Variants in CAMSAP2 observed in about 807,000 individuals in gnomAD.
CAMSAP2 encodes the protein calmodulin-regulated spectrin-associated protein 2.
Under a neutral mutation model 146.1 loss-of-function variants are expected in CAMSAP2, and 26 were observed. That is an observed-to-expected ratio of 0.18 (90% CI 0.13 to 0.25). The LOEUF (loss-of-function observed/expected upper bound fraction) is 0.25, where lower values mean the gene tolerates loss of function less well. CAMSAP2 is among the 10% of genes least tolerant of loss of function. The pLI is 1.00. For missense variants in CAMSAP2, 1,381 were observed against 1,759.3 expected, an observed-to-expected ratio of 0.78 and a Z score of 3.85; for synonymous variants, 499 against 596.6, an observed-to-expected ratio of 0.84 and a Z score of 2.38.
At chr1:200,782,878 C>A (rs1665479536) in intron 2 of CAMSAP2, among the ~76,000 whole-genome samples, 1 of 148,996 alleles carries the variant, frequency 6.7e-6, no homozygotes, top group South Asian at 2.1e-4. Context: ...GCTCAACCTC[C>A]TGGGCTCAGG....
At position 200,807,556 on chromosome 1, in the gene CAMSAP2, G is replaced by A. The variant is rs1406487253; in HGVS notation, c.561+19G>A. On this transcript the variant is annotated intron_variant, in intron 3 of 16. Transcript: ENST00000358823. ...AAATAAGGTAGGATTATACTCACTT[G>A]AGTAAATCGCATCTCATAGCCAGAA... 2 of 1,492,906 alleles carry A rather than the reference G, an allele frequency of 1.3e-6. No homozygotes were observed. The allele number at this position is 1,492,906 out of a possible 1,614,324, so 92.5% of individuals were successfully genotyped here.
chr1:200,791,268 A>C (rs1665744458), intron 2 of CAMSAP2, among the ~76,000 whole-genome samples: 1 of 152,008 alleles, frequency 6.6e-6, no homozygotes, highest in African/African-American at 2.4e-5. Context: ...GTAATGTGTA[A>C]TTTGATTTTC....
intron 2 of CAMSAP2, among the ~76,000 whole-genome samples, chr1:200,804,807 G>A (rs951130569): frequency 6.6e-6 from 1 of 151,940 alleles, no homozygotes; most frequent in Admixed American, 6.6e-5. Flanking sequence ...ATGAAAATGC[G>A]GTTTTAATTT....
chr1:200,756,578 A>T (rs980999526), intron 1 of CAMSAP2, among the ~76,000 whole-genome samples: 6 of 152,202 alleles, frequency 3.9e-5, no homozygotes, highest in Non-Finnish European at 5.9e-5. Flanking sequence ...GAATGGATGC[A>T]GGTAGTGAAT....
intron 2 of CAMSAP2, among the ~76,000 whole-genome samples, chr1:200,771,221 G>GAT (rs1258352940): frequency 3.3e-5 from 5 of 151,694 alleles, no homozygotes; most frequent in African/African-American, 1.2e-4. Context: ...TCATATAAGA[G>GAT]ATATATCTTG....
At chr1:200,812,742 A>T (rs1281377331) in intron 3 of CAMSAP2, among the ~76,000 whole-genome samples, 1 of 152,228 alleles carries the variant, frequency 6.6e-6, no homozygotes, top group African/African-American at 2.4e-5. Flanking sequence ...ATCACAGAAG[A>T]CAAGATTATA....
intron 9 of CAMSAP2, 117 bp from the exon 10 acceptor site, chr1:200,847,523 G>T: frequency 1.2e-6 from 1 of 838,238 alleles, no homozygotes; most frequent in Non-Finnish European, 2.0e-6. Flanking sequence ...TTCTCCTTAT[G>T]TACCTATTTA....
At chr1:200,751,707 T>A (rs1282793548) in intron 1 of CAMSAP2, among the ~76,000 whole-genome samples, 1 of 151,802 alleles carries the variant, frequency 6.6e-6, no homozygotes, top group African/African-American at 2.4e-5. Flanking sequence ...TGGCTAATAG[T>A]AAGGATGAAA....
At chr1:200,810,144 G>A (rs1478635861) in intron 3 of CAMSAP2, among the ~76,000 whole-genome samples, 1 of 152,194 alleles carries the variant, frequency 6.6e-6, no homozygotes, top group African/African-American at 2.4e-5. Flanking sequence ...ATCTGAATGA[G>A]GAGGTGTCTA....
At chr1:200,756,402 G>A (rs969564923) in intron 1 of CAMSAP2, among the ~76,000 whole-genome samples, 3 of 151,634 alleles carry the variant, frequency 2.0e-5, no homozygotes, top group Admixed American at 2.0e-4. Context: ...GCAGTGAGTC[G>A]AGATCACGTC....
chr1:200,746,432 G>A (rs1237655422), intron 1 of CAMSAP2, among the ~76,000 whole-genome samples: 2 of 152,190 alleles, frequency 1.3e-5, no homozygotes, highest in Admixed American at 1.3e-4. Flanking sequence ...AACAATGGAA[G>A]AGGGCCAGTG....
chr1:200,825,100 T>C (rs1270946073), intron 4 of CAMSAP2, among the ~76,000 whole-genome samples: 2 of 152,232 alleles, frequency 1.3e-5, no homozygotes, highest in Non-Finnish European at 2.9e-5. Flanking sequence ...TGTTTCCCTC[T>C]GCCCCCGCCT....
chr1:200,787,082 A>G (rs1482854562), intron 2 of CAMSAP2, among the ~76,000 whole-genome samples: 2 of 151,950 alleles, frequency 1.3e-5, no homozygotes, highest in Non-Finnish European at 2.9e-5. Context: ...GTCACCCAAG[A>G]GCTGTGATGG....
At chr1:200,773,789 G>A (rs780601413) in intron 2 of CAMSAP2, among the ~76,000 whole-genome samples, 27 of 152,000 alleles carry the variant, frequency 1.8e-4, no homozygotes, top group Non-Finnish European at 3.5e-4. Context: ...GGGAGACTGA[G>A]GTGGGCGGAT....
chr1:200,784,071 T>C (rs1338367936), intron 2 of CAMSAP2, among the ~76,000 whole-genome samples: 1 of 152,070 alleles, frequency 6.6e-6, no homozygotes, highest in East Asian at 1.9e-4. Context: ...GTTGTTCCAG[T>C]AGTATTTATT....
chr1:200,786,850 C>G (rs191393682), intron 2 of CAMSAP2, among the ~76,000 whole-genome samples: 2 of 152,054 alleles, frequency 1.3e-5, no homozygotes, highest in Non-Finnish European at 1.5e-5. Context: ...GACTTTAGAT[C>G]GAAGCCAGTG....
chr1:200,843,568 A>G (rs1309430394), intron 7 of CAMSAP2, among the ~76,000 whole-genome samples: 1 of 152,214 alleles, frequency 6.6e-6, no homozygotes, highest in Non-Finnish European at 1.5e-5. Context: ...TTTTCACTAC[A>G]TTGCTTTCTG....
In CAMSAP2 at chr1:200,848,880, G is replaced by C. The variant is rs376973561; in HGVS notation, c.2111G>C (p.Ser704Thr). Reference sequence around the variant, plus strand: ...AAACTGAATCATACCGATGGAAAAAGTAGTGGAAGCAGTTCTCAAAAAACT... The same window carrying C: ...AAACTGAATCATACCGATGGAAAAACTAGTGGAAGCAGTTCTCAAAAAACT... ...FRKLNHTDGK[S>T]SGSSSQKTTP... Residue 704 changes from serine (S) to threonine (T), a missense_variant, in exon 11 of 17, where the codon AGT (serine) becomes ACT (threonine). Ser to Thr is a moderately conservative substitution (Grantham distance 58, BLOSUM62 1). Transcript: ENST00000358823. The C allele has an allele frequency of 1.2e-6, 2 of 1,614,034 alleles. No homozygotes were observed. Among genetic ancestry groups the C allele is most frequent in the East Asian group, 2.2e-5 (1 of 44,898 alleles).
chr1:200,801,337 A>C (rs1666032908), intron 2 of CAMSAP2, among the ~76,000 whole-genome samples: 1 of 151,426 alleles, frequency 6.6e-6, no homozygotes, highest in African/African-American at 2.4e-5. Flanking sequence ...CCACGTAGAG[A>C]TCCGCTGTTA....
Sources: gnomAD v4.1 joint callset for allele counts (sites outside exome capture counted in the v4.1 genomes callset) on GRCh38, gnomAD v4.1.1 for gene constraint, MANE v1.5 for transcripts, NCBI Gene and HGNC (gene_info 2026-07-23, HGNC 2026-07-21) for gene names.